FRMD6: variants seen among roughly 807,000 people sequenced by gnomAD.
The protein encoded by FRMD6 is FERM domain containing 6, also known as FERM domain-containing protein 6.
Under a neutral mutation model 73.2 loss-of-function variants are expected in FRMD6, and 37 were observed. That is an observed-to-expected ratio of 0.51 (90% CI 0.39 to 0.66). The LOEUF is 0.66. FRMD6 is among the 30% of genes least tolerant of loss of function. FRMD6 has a pLI of 0.00. For missense variants in FRMD6, 714 were observed against 780.5 expected (o/e 0.91, Z 1.02); for synonymous variants, 273 against 282.2 (o/e 0.97, Z 0.33).
chr14:51,642,482 G>A (rs1891857872), intron 2 of FRMD6, among the ~76,000 whole-genome samples: 1 of 152,180 alleles, frequency 6.6e-6, no homozygotes, highest in African/African-American at 2.4e-5. Context: ...GTTGCAGTGA[G>A]CCGAGATCAC....
the FRMD6 span, among the ~76,000 whole-genome samples, chr14:51,480,222 A>C: frequency 6.6e-6 from 1 of 152,184 alleles, no homozygotes; most frequent in Non-Finnish European, 1.5e-5. Context: ...AGCAATGAAA[A>C]ACAGCACAGT....
chr14:51,436,305 A>G, the FRMD6 span: 9 of 386,058 alleles, frequency 2.3e-5, no homozygotes, highest in African/African-American at 1.9e-4. Context: ...GATTGCCAAA[A>G]TCCCAGATTT....
At chr14:51,699,728 T>C (rs1029693123) in intron 3 of FRMD6, among the ~76,000 whole-genome samples, 7 of 152,020 alleles carry the variant, frequency 4.6e-5, no homozygotes, top group African/African-American at 1.7e-4. Flanking sequence ...GGCAGAGGTA[T>C]AGTGGCAGTT....
intron 1 of FRMD6, among the ~76,000 whole-genome samples, chr14:51,683,933 C>T (rs1894980887): frequency 6.6e-6 from 1 of 152,050 alleles, no homozygotes; most frequent in East Asian, 1.9e-4. Context: ...TCCACCAGAG[C>T]AATGGTTGGA....
At chr14:51,624,115 C>T (rs2139939508) in intron 2 of FRMD6, among the ~76,000 whole-genome samples, 1 of 85,272 alleles carries the variant, frequency 1.2e-5, no homozygotes, top group South Asian at 3.8e-4. Context: ...CACATGGACA[C>T]ACACGGGGAA....
At chr14:51,662,736 C>A (rs1893308659) in intron 1 of FRMD6, among the ~76,000 whole-genome samples, 1 of 152,096 alleles carries the variant, frequency 6.6e-6, no homozygotes, top group African/African-American at 2.4e-5. Context: ...ATAAAAATGG[C>A]AAACATTTAC....
At chr14:51,488,139 A>G (rs971022425), upstream of FRMD6, among the ~76,000 whole-genome samples, 4 of 152,212 alleles carry the variant, frequency 2.6e-5, no homozygotes. Flanking sequence ...CCACAGCAGA[A>G]TGAGAACCTC....
At chr14:51,627,982 A>G (rs1319891846) in intron 2 of FRMD6, among the ~76,000 whole-genome samples, 4 of 152,238 alleles carry the variant, frequency 2.6e-5, no homozygotes, top group African/African-American at 7.2e-5. Context: ...TCATCACTAG[A>G]TTACTCATAA....
At chr14:51,437,960 C>T in the FRMD6 span, among the ~76,000 whole-genome samples, 3 of 152,194 alleles carry the variant, frequency 2.0e-5, no homozygotes, top group African/African-American at 7.2e-5. Context: ...TTCTTTTCTC[C>T]TTTCTCTGTA....
intron 1 of FRMD6, among the ~76,000 whole-genome samples, chr14:51,570,066 T>C (rs577624310): frequency 9.0e-4 from 137 of 151,900 alleles, no homozygotes; most frequent in Non-Finnish European, 1.4e-3. Context: ...CTGCCCACCT[T>C]GGCCTCCCAA....
intron 2 of FRMD6, among the ~76,000 whole-genome samples, chr14:51,603,275 T>TTA (rs1279991111): frequency 6.6e-6 from 1 of 152,230 alleles, no homozygotes; most frequent in African/African-American, 2.4e-5. Context: ...TGATACTTTG[T>TTA]TATAACTGCC....
At position 51,704,783 on chromosome 14, in the gene FRMD6, C is replaced by T. The variant is rs777113698; in HGVS notation, c.406C>T (p.Leu136=). The T allele has an allele frequency of 1.2e-6, 2 of 1,612,982 alleles. No individual in the cohort carries two copies. The highest frequency in any genetic ancestry group is 1.7e-6 in the Non-Finnish European group (2 of 1,179,370). ...RAARYYYYWH[L]RKQVLHSQCV... is the part of the protein sequence containing the mutation. ...AGCAAGATACTATTATTACTGGCAC[C>T]TGAGAAAACAAGTTCTTCATTCTCA... Residue 136 remains leucine (L), a synonymous_variant, in exon 6 of 14, where the codon CTG becomes TTG. Coordinates refer to ENST00000344768, the MANE Select transcript of FRMD6 (RefSeq NM_001267046.2).
intron 2 of FRMD6, among the ~76,000 whole-genome samples, chr14:51,592,737 C>T (rs1027082244): frequency 1.3e-5 from 2 of 152,156 alleles, no homozygotes; most frequent in African/African-American, 4.8e-5. Context: ...TAACACATTT[C>T]TTTAGATTAC....
At chr14:51,441,903 ATAAT>A in the FRMD6 span, among the ~76,000 whole-genome samples, 1 of 152,224 alleles carries the variant, frequency 6.6e-6, no homozygotes, top group Non-Finnish European at 1.5e-5. Context: ...ACTTAATGAC[ATAAT>A]TAATCTTTTA....
intron 1 of FRMD6, among the ~76,000 whole-genome samples, chr14:51,495,960 C>A (rs1455553027): frequency 1.3e-5 from 2 of 152,130 alleles, no homozygotes; most frequent in Admixed American, 1.3e-4. Flanking sequence ...GATATTAGTA[C>A]CCTGTGTTGT....
At chr14:51,418,880 C>G in the FRMD6 span, among the ~76,000 whole-genome samples, 12 of 152,252 alleles carry the variant, frequency 7.9e-5, no homozygotes, top group African/African-American at 2.7e-4. Flanking sequence ...TAAGCCTCAG[C>G]AATGGCGGAT....
chr14:51,491,249 C>T (rs1418931448), intron 1 of FRMD6, among the ~76,000 whole-genome samples: 1 of 152,252 alleles, frequency 6.6e-6, no homozygotes, highest in Non-Finnish European at 1.5e-5. Flanking sequence ...TGGACTGAGG[C>T]AGGCCCACAG....
At chr14:51,432,576 A>C in the FRMD6 span, among the ~76,000 whole-genome samples, 1 of 152,054 alleles carries the variant, frequency 6.6e-6, no homozygotes, top group Non-Finnish European at 1.5e-5. Context: ...GGCCCATGTT[A>C]ATTGTTAACT....
intron 1 of FRMD6, among the ~76,000 whole-genome samples, chr14:51,549,539 C>CTT: frequency 6.7e-6 from 1 of 149,694 alleles, no homozygotes; most frequent in African/African-American, 2.5e-5. Context: ...TGCTATGTTC[C>CTT]TTTTTTCTAG....
Sources: gnomAD v4.1 joint callset for allele counts (sites outside exome capture counted in the v4.1 genomes callset) on GRCh38, gnomAD v4.1.1 for gene constraint, MANE v1.5 for transcripts, NCBI Gene and HGNC (gene_info 2026-07-23, HGNC 2026-07-21) for gene names.